Variants in EIF3H observed in about 807,000 individuals in gnomAD.
The protein encoded by EIF3H is eIF-3-gamma.
Under a neutral mutation model 44.2 loss-of-function variants are expected in EIF3H, and 26 were observed. The observed-to-expected ratio is 0.59, with a 90% confidence interval of 0.43 to 0.82. The LOEUF (loss-of-function observed/expected upper bound fraction) is 0.82. EIF3H is among the 40% of genes least tolerant of loss of function. EIF3H has a pLI of 0.00. For synonymous variants in EIF3H, 166 were observed against 151.9 expected (o/e 1.09, Z -0.68); for missense variants, 359 against 432.8 (o/e 0.83, Z 1.51).
chr8:116,678,877 C>A (rs1277329454), intron 2 of EIF3H, among the ~76,000 whole-genome samples: 858 of 140,692 alleles, frequency 6.1e-3, no homozygotes, highest in African/African-American at 0.02. Context: ...GGGGTCAGCC[C>A]CCCGCCCGGC....
chr8:116,676,356 T>C (rs991609864), intron 2 of EIF3H, among the ~76,000 whole-genome samples: 2 of 152,234 alleles, frequency 1.3e-5, no homozygotes, highest in Admixed American at 1.3e-4. Context: ...CAGTTCAGCA[T>C]GGCTGGGGAG....
At chr8:116,747,727 T>G (rs1815262205) in intron 1 of EIF3H, among the ~76,000 whole-genome samples, 1 of 152,184 alleles carries the variant, frequency 6.6e-6, no homozygotes, top group South Asian at 2.1e-4. Context: ...TCCAGTCTCT[T>G]TAAATTCATA....
At chr8:116,712,853 T>C (rs944824302) in intron 2 of EIF3H, among the ~76,000 whole-genome samples, 3 of 152,140 alleles carry the variant, frequency 2.0e-5, no homozygotes, top group African/African-American at 4.8e-5. Flanking sequence ...AATGTAATTA[T>C]AATTAATTAT....
At chr8:116,752,975 T>A (rs1815384656) in intron 1 of EIF3H, among the ~76,000 whole-genome samples, 1 of 152,172 alleles carries the variant, frequency 6.6e-6, no homozygotes, top group Admixed American at 6.5e-5. Flanking sequence ...TCTTGGTTAC[T>A]CCATCTGCAA....
chr8:116,686,537 G>C (rs1814080262), intron 2 of EIF3H, among the ~76,000 whole-genome samples: 1 of 151,918 alleles, frequency 6.6e-6, no homozygotes, highest in Non-Finnish European at 1.5e-5. Flanking sequence ...TGAGCACTTA[G>C]CTCTGTTTCT....
At chr8:116,695,017 C>T (rs1174094949) in intron 2 of EIF3H, among the ~76,000 whole-genome samples, 1 of 150,852 alleles carries the variant, frequency 6.6e-6, no homozygotes, top group Non-Finnish European at 1.5e-5. Flanking sequence ...AACAAAGCAG[C>T]AGCAACAAAA....
intron 2 of EIF3H, among the ~76,000 whole-genome samples, chr8:116,689,443 T>C (rs1211334021): frequency 6.6e-6 from 1 of 152,152 alleles, no homozygotes; most frequent in Non-Finnish European, 1.5e-5. Context: ...CAAAAAATAA[T>C]GTGTAAAATA....
At chr8:116,741,394 C>A (rs879877695) in intron 1 of EIF3H, among the ~76,000 whole-genome samples, 3 of 152,174 alleles carry the variant, frequency 2.0e-5, no homozygotes, top group African/African-American at 7.2e-5. Flanking sequence ...AGTTTTACAA[C>A]ACGATGTTTT....
intron 5 of EIF3H, among the ~76,000 whole-genome samples, chr8:116,654,454 AG>A (rs2130786279): frequency 6.6e-6 from 1 of 152,212 alleles, no homozygotes; most frequent in East Asian, 1.9e-4. Flanking sequence ...TGTAAGCAAA[AG>A]CTTTCATGCA....
chr8:116,693,743 C>T (rs973954031), intron 2 of EIF3H, among the ~76,000 whole-genome samples: 2 of 151,878 alleles, frequency 1.3e-5, no homozygotes, highest in Non-Finnish European at 2.9e-5. Flanking sequence ...AATACAGTGA[C>T]ATGGTCATAG....
At chr8:116,660,772 T>TACCAGAC (rs953544536) in intron 2 of EIF3H, among the ~76,000 whole-genome samples, 2 of 152,098 alleles carry the variant, frequency 1.3e-5, no homozygotes, top group East Asian at 3.8e-4. Context: ...GAGAAGGTGA[T>TACCAGAC]ACCAGACACC....
intron 1 of EIF3H, among the ~76,000 whole-genome samples, chr8:116,746,193 G>A (rs1815232010): frequency 6.6e-6 from 1 of 152,112 alleles, no homozygotes; most frequent in African/African-American, 2.4e-5. Flanking sequence ...TCTAATGTAT[G>A]TTTTCTCATA....
At chr8:116,737,368 T>C in intron 1 of EIF3H, 1 of 422,780 alleles carries the variant, frequency 2.4e-6, no homozygotes, top group Non-Finnish European at 4.6e-6. Context: ...TTTTAAAAAT[T>C]AATAGGGCTG....
chr8:116,705,503 C>G (rs1254280892), intron 2 of EIF3H, among the ~76,000 whole-genome samples: 5 of 146,834 alleles, frequency 3.4e-5, no homozygotes, highest in South Asian at 2.2e-4. Context: ...CCCCCCCCAC[C>G]ACCAACACCC....
At chr8:116,711,501 C>G (rs1339862849) in intron 2 of EIF3H, among the ~76,000 whole-genome samples, 1 of 152,070 alleles carries the variant, frequency 6.6e-6, no homozygotes, top group Admixed American at 6.6e-5. Flanking sequence ...TGGTAATAGA[C>G]TTTTTTAAAA....
At chr8:116,699,131 T>C (rs1482105264) in intron 2 of EIF3H, among the ~76,000 whole-genome samples, 3 of 82,598 alleles carry the variant, frequency 3.6e-5, no homozygotes, top group Non-Finnish European at 7.9e-5. Context: ...CTGGAACCTG[T>C]CTCAAAAAAA....
At chr8:116,731,535 TG>T (rs563467723) in intron 1 of EIF3H, among the ~76,000 whole-genome samples, 211 of 152,308 alleles carry the variant, frequency 1.4e-3, no homozygotes, top group Middle Eastern at 0.01. Context: ...TAAGACTTCG[TG>T]GGTTGCTGAA....
chr8:116,752,370 A>C (rs1815357677), intron 1 of EIF3H, among the ~76,000 whole-genome samples: 1 of 152,150 alleles, frequency 6.6e-6, no homozygotes, highest in Non-Finnish European at 1.5e-5. Context: ...GAGAAACATT[A>C]ATAAGGATGA....
chr8:116,672,122 A>G (rs1027531438), intron 2 of EIF3H, among the ~76,000 whole-genome samples: 1 of 152,256 alleles, frequency 6.6e-6, no homozygotes, highest in Non-Finnish European at 1.5e-5. Context: ...GAGAAAGCTG[A>G]CATTTTAAAA....
Sources: allele counts gnomAD v4.1 joint callset (sites outside exome capture counted in the v4.1 genomes callset), GRCh38; gene constraint gnomAD v4.1.1; transcripts MANE v1.5; gene names NCBI Gene and HGNC (gene_info 2026-07-23, HGNC 2026-07-21).